The following ABCA13 variants were observed in gnomAD, a reference collection of about 807,000 sequenced individuals.
ABCA13 encodes ATP binding cassette subfamily A member 13.
ABCA13 carries 476 observed loss-of-function variants against 478.7 expected under a neutral mutation model. The observed-to-expected ratio is 0.99, with a 90% CI of 0.92 to 1.07. The LOEUF (loss-of-function observed/expected upper bound fraction) is 1.07. Ranked by LOEUF, ABCA13 falls within the 50% of genes least tolerant of loss-of-function variation. The pLI, the probability that ABCA13 is intolerant of heterozygous loss-of-function variation, is 0.00. For missense variants in ABCA13, 6,060 were observed against 5,910.6 expected (o/e 1.03, Z -0.83); for synonymous variants, 2,252 against 2,158.9 (o/e 1.04, Z -1.20).
At chr7:48,437,940 A>G (rs1823062307) in intron 42 of ABCA13, among the ~76,000 whole-genome samples, 1 of 152,030 alleles carries the variant, frequency 6.6e-6, no homozygotes, top group Non-Finnish European at 1.5e-5. Flanking sequence ...TTTTTATCCC[A>G]GTGCCTCAAA....
rs1417461519 is a variant in ABCA13, at chr7:48,469,774, G to A, written c.12906-1756G>A. Among the ~76,000 whole-genome samples the A allele has an allele frequency of 2.0e-5, 3 of 152,242 alleles. No individual in the cohort carries two copies. The East Asian group carries it at 5.8e-4, about 30-fold the overall frequency. Reference sequence around the variant, plus strand: ...TCTCTACTAAAGATACAAAAAATTAGCTGGGTAAGGTGGTGCGCACCCATA... The same window carrying A: ...TCTCTACTAAAGATACAAAAAATTAACTGGGTAAGGTGGTGCGCACCCATA... On this transcript the variant is annotated intron_variant, in intron 44 of 61. Coordinates refer to ENST00000435803, the MANE Select transcript of ABCA13 (RefSeq NM_152701.5).
intron 55 of ABCA13, among the ~76,000 whole-genome samples, chr7:48,552,780 A>G (rs1178322760): frequency 2.6e-5 from 4 of 151,632 alleles, no homozygotes; most frequent in African/African-American, 7.2e-5. Flanking sequence ...TCACATCATG[A>G]CAAATGGGGT....
At chr7:48,430,789 T>C (rs1822045402) in intron 42 of ABCA13, among the ~76,000 whole-genome samples, 3 of 152,092 alleles carry the variant, frequency 2.0e-5, no homozygotes, top group African/African-American at 7.2e-5. Flanking sequence ...ATTTTGGTAA[T>C]GTTTTCACAG....
intron 45 of ABCA13, among the ~76,000 whole-genome samples, chr7:48,480,749 C>A (rs1321400211): frequency 2.6e-5 from 4 of 152,296 alleles, no homozygotes; most frequent in Non-Finnish European, 5.9e-5. Flanking sequence ...CCAGTGAAAA[C>A]ATTTTTTTTC....
At chr7:48,188,568 T>G (rs985099070) in intron 1 of ABCA13, among the ~76,000 whole-genome samples, 1 of 152,174 alleles carries the variant, frequency 6.6e-6, no homozygotes, top group Non-Finnish European at 1.5e-5. Context: ...TTTTTTCTTT[T>G]TTTTTACGTT....
chr7:48,343,324 T>G (rs1177860070), intron 29 of ABCA13, among the ~76,000 whole-genome samples: 1 of 152,204 alleles, frequency 6.6e-6, no homozygotes, highest in African/African-American at 2.4e-5. Context: ...GGAGGTAGAC[T>G]TCAGCCTTAG....
At chr7:48,562,110 G>C (rs993844239) in intron 55 of ABCA13, among the ~76,000 whole-genome samples, 2 of 146,498 alleles carry the variant, frequency 1.4e-5, no homozygotes, top group African/African-American at 2.7e-5. Flanking sequence ...TGTATGGGGG[G>C]GGAGGTGGAT....
chr7:48,391,112 T>C (rs1297652037), intron 37 of ABCA13, among the ~76,000 whole-genome samples: 3 of 152,222 alleles, frequency 2.0e-5, no homozygotes, highest in African/African-American at 4.8e-5. Flanking sequence ...GAGCTTGTGG[T>C]GGCAGGCTGC....
chr7:48,483,723 C>G (rs1829011949), intron 47 of ABCA13, among the ~76,000 whole-genome samples: 1 of 152,152 alleles, frequency 6.6e-6, no homozygotes, highest in Admixed American at 6.5e-5. Context: ...ATGCCTTGAT[C>G]CATCAGTAGG....
chr7:48,276,588 T>C, intron 17 of ABCA13, 23 bp downstream of exon 17: 1 of 1,591,998 alleles, frequency 6.3e-7, no homozygotes, highest in South Asian at 1.1e-5. Flanking sequence ...TTGCTTTGTG[T>C]CATATATGCA....
chr7:48,238,719 C>T (rs535166512), intron 8 of ABCA13, among the ~76,000 whole-genome samples: 6 of 152,188 alleles, frequency 3.9e-5, no homozygotes, highest in African/African-American at 1.2e-4. Context: ...CCACCCGCCT[C>T]GGCCTCCCAA....
At chr7:48,246,740 G>A (rs1163077199) in intron 13 of ABCA13, among the ~76,000 whole-genome samples, 1 of 152,120 alleles carries the variant, frequency 6.6e-6, no homozygotes, top group East Asian at 1.9e-4. Flanking sequence ...CGATTTCTTA[G>A]CATCTACTCT....
At chr7:48,357,430 C>A (rs1347106504) in intron 31 of ABCA13, among the ~76,000 whole-genome samples, 1 of 151,958 alleles carries the variant, frequency 6.6e-6, no homozygotes, top group Admixed American at 6.5e-5. Context: ...GTGATACCAA[C>A]TGTAGTGGGA....
chr7:48,456,386 ACTC>A (rs1200083487), intron 43 of ABCA13, among the ~76,000 whole-genome samples: 2 of 152,162 alleles, frequency 1.3e-5, no homozygotes, highest in Non-Finnish European at 2.9e-5. Context: ...TCCTTGTCAC[ACTC>A]CTCAACTATA....
intron 35 of ABCA13, among the ~76,000 whole-genome samples, chr7:48,385,904 T>G (rs565345365): frequency 1.8e-4 from 28 of 152,328 alleles, no homozygotes; most frequent in Middle Eastern, 3.4e-3. Context: ...ATTTCTCTAA[T>G]TATCATTGAT....
chr7:48,443,892 C>T (rs1046058043), intron 42 of ABCA13, among the ~76,000 whole-genome samples: 1 of 151,814 alleles, frequency 6.6e-6, no homozygotes, highest in Non-Finnish European at 1.5e-5. Flanking sequence ...GGAGGAAACA[C>T]CCTCTTTCCT....
rs555313615 is a variant in ABCA13, at chr7:48,635,494, A to G, written c.14838-7794A>G. 2.0e-5 allele frequency among the ~76,000 whole-genome samples: 3 copies of G among 152,306 alleles called. No homozygotes were observed. In the East Asian group the frequency reaches 5.8e-4, roughly 29 times the overall value. On this transcript the variant is annotated intron_variant, in intron 59 of 61. Transcript: ENST00000435803. ...AAACCCCACACCATGATATGAGGCA[A>G]GAACAAGGGGGACCCCAATATTCTC...
chr7:48,203,802 A>C (rs1784544364), intron 3 of ABCA13, among the ~76,000 whole-genome samples: 1 of 152,192 alleles, frequency 6.6e-6, no homozygotes, highest in African/African-American at 2.4e-5. Flanking sequence ...CGCCATACCC[A>C]TGCTGGGGCA....
At chr7:48,479,268 C>T (rs368601955) in intron 45 of ABCA13, among the ~76,000 whole-genome samples, 8 of 151,760 alleles carry the variant, frequency 5.3e-5, no homozygotes, top group South Asian at 4.2e-4. Context: ...GACAGAGTCT[C>T]GCTCTGTGGC....
Sources: gnomAD v4.1 joint callset for allele counts (sites outside exome capture counted in the v4.1 genomes callset) on GRCh38, gnomAD v4.1.1 for gene constraint, MANE v1.5 for transcripts, NCBI Gene and HGNC (gene_info 2026-07-23, HGNC 2026-07-21) for gene names.